The following FOXN2 variants were observed in gnomAD, a reference collection of about 807,000 sequenced individuals.
The protein encoded by FOXN2 is forkhead box protein N2.
FOXN2 carries 19 observed loss-of-function variants against 41.2 expected under a neutral mutation model. The observed-to-expected ratio is 0.46, with a 90% CI of 0.32 to 0.68. The LOEUF is 0.68. Among genes scored for constraint, FOXN2 ranks in the 30% least tolerant of loss-of-function variants. The pLI is 0.03. For missense variants in FOXN2, 587 were observed against 509.4 expected (o/e 1.15, Z -1.47); for synonymous variants, 195 against 176.8 (o/e 1.10, Z -0.82).
chr2:48,374,876 A>G (rs1673133844), intron 6 of FOXN2, 44 bp from the exon 7 acceptor site: 3 of 1,532,094 alleles, frequency 2.0e-6, no homozygotes, highest in Non-Finnish European at 2.6e-6. Context: ...TGTTTTTGCA[A>G]CCAAACACAT....
At chr2:48,337,814 A>G (rs1670465457) in intron 2 of FOXN2, among the ~76,000 whole-genome samples, 1 of 152,256 alleles carries the variant, frequency 6.6e-6, no homozygotes, top group Non-Finnish European at 1.5e-5. Flanking sequence ...TAATAACCAT[A>G]GCCACAAAAT....
chr2:48,372,922 CAAA>C (rs372780873), intron 5 of FOXN2, among the ~76,000 whole-genome samples: 6 of 107,520 alleles, frequency 5.6e-5, no homozygotes, highest in African/African-American at 6.8e-5. Context: ...AGTAAAAATG[CAAA>C]AAAAAAAAAA....
intron 1 of FOXN2, among the ~76,000 whole-genome samples, chr2:48,317,921 A>T (rs915915434): frequency 1.3e-5 from 2 of 151,932 alleles, no homozygotes; most frequent in Non-Finnish European, 2.9e-5. Flanking sequence ...GTATTGTTTT[A>T]TTAATAATTT....
chr2:48,321,338 G>T (rs931177639), intron 1 of FOXN2, among the ~76,000 whole-genome samples: 1 of 152,198 alleles, frequency 6.6e-6, no homozygotes, highest in Non-Finnish European at 1.5e-5. Context: ...GATCGAGACC[G>T]TCTGGCTAAC....
chr2:48,316,619 A>G (rs1668936077), intron 1 of FOXN2, among the ~76,000 whole-genome samples: 1 of 152,208 alleles, frequency 6.6e-6, no homozygotes, highest in Non-Finnish European at 1.5e-5. Context: ...ACATGAACAG[A>G]TTTTAAGAGA....
intron 1 of FOXN2, among the ~76,000 whole-genome samples, chr2:48,325,210 T>G (rs113266298): frequency 6.6e-6 from 1 of 152,130 alleles, no homozygotes; most frequent in Non-Finnish European, 1.5e-5. Context: ...TACTTCCAGT[T>G]TGGAGCACAC....
At chr2:48,319,795 T>C (rs1669174710) in intron 1 of FOXN2, among the ~76,000 whole-genome samples, 1 of 143,250 alleles carries the variant, frequency 7.0e-6, no homozygotes, top group African/African-American at 2.6e-5. Context: ...ATTTTTTTTT[T>C]TTTTTTTTTT....
Position 48,375,052 on chromosome 2 carries a change from A to G in FOXN2, c.905A>G (p.His302Arg). The change falls in exon 7 of 7, where the codon CAC (histidine) becomes CGC (arginine). Residue 302 changes from histidine to arginine, a missense_variant. His to Arg is a conservative substitution (Grantham distance 29). Transcript: ENST00000340553. ...LATSIDPKED[H>R]NYSASSMAAQ... ...ACCAGCATTGATCCAAAAGAAGATC[A>G]CAATTACAGTGCAAGTAGCATGGCA... 3 of 1,614,106 alleles carry G rather than the reference A, an allele frequency of 1.9e-6. No individual in the cohort carries two copies. Among genetic ancestry groups the G allele is most frequent in the Non-Finnish European group, 2.5e-6 (3 of 1,179,982 alleles).
intron 2 of FOXN2, chr2:48,340,746 G>A (rs993392182): frequency 6.6e-6 from 1 of 152,090 alleles, no homozygotes; most frequent in Non-Finnish European, 1.5e-5. Flanking sequence ...ATTGCAGTGG[G>A]GTATTGGGAA....
intron 3 of FOXN2, among the ~76,000 whole-genome samples, chr2:48,356,367 G>C (rs1378038905): frequency 1.3e-5 from 2 of 152,134 alleles, no homozygotes; most frequent in African/African-American, 4.8e-5. Flanking sequence ...TCCGAACCTG[G>C]GAGGCGGAGG....
intron 5 of FOXN2, among the ~76,000 whole-genome samples, chr2:48,369,602 A>T (rs1672755435): frequency 6.6e-6 from 1 of 152,350 alleles, no homozygotes; most frequent in African/African-American, 2.4e-5. Flanking sequence ...TAGGTGCTTC[A>T]TTTATAAGAT....
intron 2 of FOXN2, among the ~76,000 whole-genome samples, chr2:48,335,532 TA>T (rs1670276758): frequency 2.8e-5 from 2 of 72,600 alleles, no homozygotes; most frequent in Admixed American, 2.3e-4. Flanking sequence ...CAAGACAAAA[TA>T]ACAGCGTAGA....
chr2:48,344,659 C>G (rs1572733080), intron 2 of FOXN2, among the ~76,000 whole-genome samples: 1 of 152,162 alleles, frequency 6.6e-6, no homozygotes, highest in East Asian at 1.9e-4. Flanking sequence ...TAATGGAGTG[C>G]TCTGAGGCTA....
At chr2:48,364,312 C>G (rs946297008) in intron 5 of FOXN2, among the ~76,000 whole-genome samples, 3 of 152,174 alleles carry the variant, frequency 2.0e-5, no homozygotes, top group Non-Finnish European at 4.4e-5. Flanking sequence ...ACCATAGCCT[C>G]ACAATCCTGG....
chr2:48,319,050 TTAAC>T (rs980668285), intron 1 of FOXN2, among the ~76,000 whole-genome samples: 1 of 152,228 alleles, frequency 6.6e-6, no homozygotes, highest in Non-Finnish European at 1.5e-5. Flanking sequence ...TTAATTACTG[TTAAC>T]TATCTTCCTA....
chr2:48,353,195 C>T (rs1231860229), intron 3 of FOXN2, among the ~76,000 whole-genome samples: 1 of 152,104 alleles, frequency 6.6e-6, no homozygotes, highest in Non-Finnish European at 1.5e-5. Flanking sequence ...CAAGACCCTC[C>T]CCAGTTTGGC....
chr2:48,322,877 T>C (rs962726990), intron 1 of FOXN2, among the ~76,000 whole-genome samples: 1 of 150,442 alleles, frequency 6.6e-6, no homozygotes, highest in Non-Finnish European at 1.5e-5. Flanking sequence ...CTTGCTTTTA[T>C]TGTTTATAGG....
chr2:48,357,991 A>C (rs1671919639), intron 3 of FOXN2, among the ~76,000 whole-genome samples: 1 of 152,058 alleles, frequency 6.6e-6, no homozygotes, highest in East Asian at 1.9e-4. Context: ...TGATAGTGTG[A>C]TATGACAACC....
intron 5 of FOXN2, among the ~76,000 whole-genome samples, chr2:48,365,488 C>T (rs1004221082): frequency 6.6e-5 from 10 of 152,198 alleles, no homozygotes; most frequent in Admixed American, 1.3e-4. Flanking sequence ...CTGGAGTTTA[C>T]TTAAATCTTT....
Sources: gnomAD v4.1 joint callset for allele counts (sites outside exome capture counted in the v4.1 genomes callset) on GRCh38, gnomAD v4.1.1 for gene constraint, MANE v1.5 for transcripts, NCBI Gene and HGNC (gene_info 2026-07-23, HGNC 2026-07-21) for gene names.